The following ZDHHC14 variants were observed in gnomAD, a reference collection of about 807,000 sequenced individuals.
ZDHHC14 encodes the protein palmitoyltransferase ZDHHC14.
ZDHHC14 carries 16 observed loss-of-function variants against 47.7 expected under a neutral mutation model. That is an observed-to-expected ratio of 0.34 (90% CI 0.23 to 0.51). ZDHHC14 has a LOEUF of 0.51. Among genes scored for constraint, ZDHHC14 ranks in the 20% least tolerant of loss-of-function variants. ZDHHC14 has a pLI of 0.97. For missense variants in ZDHHC14, 515 were observed against 662.5 expected, an observed-to-expected ratio of 0.78 and a Z score of 2.44; for synonymous variants, 293 against 278.9, an observed-to-expected ratio of 1.05 and a Z score of -0.50.
chr6:157,552,899 C>G (rs34972813), intron 2 of ZDHHC14, among the ~76,000 whole-genome samples: 101,170 of 152,068 alleles, frequency 0.67, 34,425 homozygotes, highest in African/African-American at 0.82. Context: ...CACACTCAGA[C>G]TGTCCCTGAT....
chr6:157,466,138 A>G (rs2114820097), intron 1 of ZDHHC14, among the ~76,000 whole-genome samples: 1 of 152,244 alleles, frequency 6.6e-6, no homozygotes, highest in South Asian at 2.1e-4. Context: ...CCTGATCCTC[A>G]GCTGCCTCTC....
chr6:157,394,726 ACAT>A lies in ZDHHC14; in HGVS notation c.245+12465_245+12467del, dbSNP rs1471351460. On this transcript the variant is annotated intron_variant, in intron 1 of 8. Transcript: ENST00000359775. ...AAATTGTAGAGTGATGGCCAAAATAACATCATCGTCGTCTTAACCCACTATATC... is the reference window on the plus strand; with the variant it reads ...AAATTGTAGAGTGATGGCCAAAATAACATCGTCGTCTTAACCCACTATATC... 3.8e-4 allele frequency among the ~76,000 whole-genome samples: 58 copies of A among 152,228 alleles called. 1 individual carries two copies. The highest frequency in any genetic ancestry group is 1.4e-3 in the African/African-American group (56 of 41,458).
chr6:157,656,630 C>A (rs1778102163), intron 8 of ZDHHC14, among the ~76,000 whole-genome samples: 1 of 151,340 alleles, frequency 6.6e-6, no homozygotes, highest in Admixed American at 6.6e-5. Flanking sequence ...GTCACCGCGC[C>A]CAGCCTGGAA....
chr6:157,570,451 G>A (rs1783053681), intron 2 of ZDHHC14, among the ~76,000 whole-genome samples: 2 of 152,302 alleles, frequency 1.3e-5, no homozygotes, highest in South Asian at 2.1e-4. Context: ...GCTTTCAGTG[G>A]AAGAACTGAT....
At chr6:157,667,630 A>G (rs1409998526) in intron 8 of ZDHHC14, among the ~76,000 whole-genome samples, 3 of 151,120 alleles carry the variant, frequency 2.0e-5, no homozygotes, top group African/African-American at 7.3e-5. Context: ...AAAAAAAAAA[A>G]GGGAAGTGTA....
chr6:157,440,236 T>TA (rs1208490194), intron 1 of ZDHHC14, among the ~76,000 whole-genome samples: 9 of 151,774 alleles, frequency 5.9e-5, no homozygotes, highest in Admixed American at 5.9e-4. Context: ...CAGCCCAATT[T>TA]AAAAATGGAC....
chr6:157,645,085 G>A (rs1401564620), intron 5 of ZDHHC14, among the ~76,000 whole-genome samples: 1 of 152,108 alleles, frequency 6.6e-6, no homozygotes, highest in African/African-American at 2.4e-5. Context: ...TGGCTGAAGG[G>A]CTGAGAAAAC....
At chr6:157,648,232 C>T (rs1777654356) in intron 7 of ZDHHC14, among the ~76,000 whole-genome samples, 1 of 152,224 alleles carries the variant, frequency 6.6e-6, no homozygotes, top group South Asian at 2.1e-4. Flanking sequence ...TCTACCTGGT[C>T]TCTAGAATGA....
At position 157,653,530 on chromosome 6, in the gene ZDHHC14, T is replaced by C; in HGVS notation, c.971T>C (p.Ile324Thr). 6.2e-7 allele frequency: 1 copy of C among 1,613,694 alleles called. No individual in the cohort carries two copies. Among genetic ancestry groups the C allele is most frequent in the Non-Finnish European group, 8.5e-7 (1 of 1,179,898 alleles). The change falls in exon 8 of 9, where the codon ATC (isoleucine) becomes ACC (threonine). Residue 324 changes from isoleucine (I) to threonine (T), a missense_variant. By Grantham distance (89) the Ile-to-Thr change is moderately conservative. Transcript: ENST00000359775. ...TGTTTTCTTTTCTCTCGCAGCCTGA[T>C]CGACAGAAGAGGGTACATCCAGCCC... ...ALCGPISPSL[I>T]DRRGYIQPDT...
At chr6:157,516,332 G>A (rs1024494545) in intron 1 of ZDHHC14, among the ~76,000 whole-genome samples, 17 of 152,176 alleles carry the variant, frequency 1.1e-4, no homozygotes, top group African/African-American at 4.1e-4. Flanking sequence ...TAAATCAACC[G>A]TGTTTTTAAT....
chr6:157,508,760 T>C (rs1310715140), intron 1 of ZDHHC14, among the ~76,000 whole-genome samples: 1 of 152,192 alleles, frequency 6.6e-6, no homozygotes, highest in African/African-American at 2.4e-5. Context: ...CTGGAAAATT[T>C]ATTTAACTTT....
At chr6:157,465,063 C>G (rs1779175045) in intron 1 of ZDHHC14, among the ~76,000 whole-genome samples, 1 of 151,158 alleles carries the variant, frequency 6.6e-6, no homozygotes, top group African/African-American at 2.4e-5. Flanking sequence ...TCTAACCTAC[C>G]CTGTGACATT....
chr6:157,645,619 G>A, intron 5 of ZDHHC14, 118 bp from the exon 6 acceptor site: 1 of 732,592 alleles, frequency 1.4e-6, no homozygotes, highest in Admixed American at 2.6e-5. Context: ...GGCCGGGTGA[G>A]AGAGAGGCCA....
At chr6:157,384,759 G>T (rs540131676) in intron 1 of ZDHHC14, among the ~76,000 whole-genome samples, 2 of 152,222 alleles carry the variant, frequency 1.3e-5, no homozygotes, top group East Asian at 3.9e-4. Flanking sequence ...AAATTAATTT[G>T]CTAGAGACCA....
At chr6:157,587,542 C>G (rs771196522) in intron 2 of ZDHHC14, among the ~76,000 whole-genome samples, 1 of 152,168 alleles carries the variant, frequency 6.6e-6, no homozygotes, top group African/African-American at 2.4e-5. Context: ...GCAAGGCCAC[C>G]CAGAGTCCTT....
intron 5 of ZDHHC14, among the ~76,000 whole-genome samples, chr6:157,641,128 T>C (rs1562524133): frequency 1.3e-5 from 2 of 152,188 alleles, no homozygotes; most frequent in South Asian, 2.1e-4. Flanking sequence ...ACAGTGTAGA[T>C]GAACTATAGT....
intron 2 of ZDHHC14, among the ~76,000 whole-genome samples, chr6:157,565,680 G>A (rs924289581): frequency 6.6e-6 from 1 of 151,972 alleles, no homozygotes. Context: ...TTAGCTGGGT[G>A]TGGTAATCCC....
At chr6:157,387,305 C>A (rs183195809) in intron 1 of ZDHHC14, among the ~76,000 whole-genome samples, 1 of 151,970 alleles carries the variant, frequency 6.6e-6, no homozygotes. Context: ...GAACTTGGGG[C>A]TATCCCCTGC....
intron 1 of ZDHHC14, among the ~76,000 whole-genome samples, chr6:157,523,109 A>C (rs1189139630): frequency 6.6e-6 from 1 of 151,218 alleles, no homozygotes; most frequent in Non-Finnish European, 1.5e-5. Context: ...AAGAGGGTGA[A>C]TGGGATCTCT....
Sources: gnomAD v4.1 joint callset for allele counts (sites outside exome capture counted in the v4.1 genomes callset) on GRCh38, gnomAD v4.1.1 for gene constraint, MANE v1.5 for transcripts, NCBI Gene and HGNC (gene_info 2026-07-23, HGNC 2026-07-21) for gene names.